The following SSH2 variants were observed in gnomAD, a reference collection of about 807,000 sequenced individuals.
SSH2 encodes slingshot protein phosphatase 2, also known as protein phosphatase Slingshot homolog 2.
In SSH2, 37 loss-of-function variants were observed where a neutral mutation model predicts 135.2. That is an observed-to-expected ratio of 0.27 (90% CI 0.21 to 0.36). SSH2 has a LOEUF of 0.36. Ranked by LOEUF, SSH2 falls within the 10% of genes least tolerant of loss-of-function variation. SSH2 has a pLI of 1.00. For synonymous variants in SSH2, 628 were observed against 646.2 expected (o/e 0.97, Z 0.43); for missense variants, 1,408 against 1,765.3 (o/e 0.80, Z 3.63).
At chr17:29,673,382 C>T (rs899236472) in intron 8 of SSH2, among the ~76,000 whole-genome samples, 1 of 151,978 alleles carries the variant, frequency 6.6e-6, no homozygotes, top group African/African-American at 2.4e-5. Context: ...TCAGCCTAAC[C>T]AACATGGTGA....
intron 5 of SSH2, among the ~76,000 whole-genome samples, chr17:29,694,829 A>G (rs2038656859): frequency 2.6e-5 from 4 of 152,118 alleles, no homozygotes; most frequent in Admixed American, 2.0e-4. Context: ...CTAAATCCAT[A>G]TTTGCCTGCC....
chr17:29,761,600 A>G (rs868001124), intron 3 of SSH2, among the ~76,000 whole-genome samples: 2 of 152,098 alleles, frequency 1.3e-5, no homozygotes, highest in Non-Finnish European at 2.9e-5. Context: ...GCCCCAAGAC[A>G]CTGCTGCCTC....
chr17:29,905,021 A>T (rs2066627501), intron 1 of SSH2, among the ~76,000 whole-genome samples: 1 of 152,210 alleles, frequency 6.6e-6, no homozygotes, highest in Admixed American at 6.5e-5. Flanking sequence ...ATGGAAAAGC[A>T]TTCCATGCTG....
intron 1 of SSH2, among the ~76,000 whole-genome samples, chr17:29,874,479 G>A (rs918901694): frequency 1.3e-5 from 2 of 152,104 alleles, no homozygotes; most frequent in Admixed American, 6.5e-5. Context: ...TGAATCATGG[G>A]GGCAGTTTCC....
chr17:29,717,314 T>A (rs888442104), intron 3 of SSH2, among the ~76,000 whole-genome samples: 2 of 152,156 alleles, frequency 1.3e-5, no homozygotes, highest in Non-Finnish European at 2.9e-5. Context: ...TTTTTAATAT[T>A]CTATAGAGAT....
chr17:29,678,994 G>A (rs967235841), intron 6 of SSH2, among the ~76,000 whole-genome samples: 3 of 152,082 alleles, frequency 2.0e-5, no homozygotes, highest in African/African-American at 7.2e-5. Flanking sequence ...GGGATTACAG[G>A]CATGAGCCAC....
chr17:29,741,353 A>G lies in SSH2; in HGVS notation c.189-38291T>C, dbSNP rs566402946. 2.0e-5 allele frequency among the ~76,000 whole-genome samples: 3 copies of G among 152,184 alleles called. No individual in the cohort carries two copies. The South Asian group carries it at 6.2e-4, about 32-fold the overall frequency. On this transcript the variant is annotated intron_variant, in intron 3 of 15. Coordinates refer to ENST00000540801, the MANE Select transcript of SSH2 (RefSeq NM_001282129.2). The stretch of plus-strand genomic sequence containing the variant: ...AGCAATCCCAGAATTGACCCTTAGG[A>G]TATGTCTTTTAGGGACATGGGCAAA...
At chr17:29,854,454 T>C (rs1599096022) in intron 1 of SSH2, among the ~76,000 whole-genome samples, 1 of 151,826 alleles carries the variant, frequency 6.6e-6, no homozygotes, top group Non-Finnish European at 1.5e-5. Flanking sequence ...TTAAGATTGT[T>C]GGTAAGAAAA....
intron 1 of SSH2, among the ~76,000 whole-genome samples, chr17:29,860,134 C>T (rs943379637): frequency 3.3e-5 from 5 of 151,914 alleles, no homozygotes; most frequent in Admixed American, 6.6e-5. Flanking sequence ...AGGCGTGAGT[C>T]AGCATGCCGG....
chr17:29,859,539 C>T (rs56788338), intron 1 of SSH2, among the ~76,000 whole-genome samples: 72,807 of 151,914 alleles, frequency 0.48, 18,282 homozygotes, highest in East Asian at 0.69. Flanking sequence ...TAAGAACATG[C>T]GGTATTTGGT....
At chr17:29,733,476 G>T (rs2040265298) in intron 3 of SSH2, among the ~76,000 whole-genome samples, 1 of 152,136 alleles carries the variant, frequency 6.6e-6, no homozygotes. Context: ...TCTTCTGCAG[G>T]AAAGTTAAAC....
intron 9 of SSH2, among the ~76,000 whole-genome samples, chr17:29,669,147 G>A (rs935341573): frequency 2.0e-5 from 3 of 152,068 alleles, no homozygotes; most frequent in Non-Finnish European, 2.9e-5. Flanking sequence ...TACTTGGGAG[G>A]CTGAGGCAGG....
intron 1 of SSH2, among the ~76,000 whole-genome samples, chr17:29,877,124 C>T (rs1439281823): frequency 1.3e-5 from 2 of 152,132 alleles, no homozygotes; most frequent in Non-Finnish European, 2.9e-5. Context: ...TGAAAAGGTA[C>T]TCAACGTCAC....
At chr17:29,924,813 T>C (rs2067036375) in intron 1 of SSH2, among the ~76,000 whole-genome samples, 2 of 152,198 alleles carry the variant, frequency 1.3e-5, no homozygotes, top group Admixed American at 6.5e-5. Context: ...TAAGAGTTAA[T>C]AGGCTTCAAA....
chr17:29,916,144 ATT>A (rs913618237), intron 1 of SSH2, among the ~76,000 whole-genome samples: 1 of 151,972 alleles, frequency 6.6e-6, no homozygotes, highest in Non-Finnish European at 1.5e-5. Flanking sequence ...TCCCCACCAA[ATT>A]TGTTATAATG....
chr17:29,651,347 CAGAA>C lies in SSH2; in HGVS notation c.1080-551_1080-548del, dbSNP rs1347697913. Among the ~76,000 whole-genome samples the C allele has an allele frequency of 2.0e-5, 3 of 152,310 alleles. No homozygotes were observed. The East Asian group carries it at 5.8e-4, about 29-fold the overall frequency. ...AAACTACATGAAAGGCAAATGAGGACAGAACTGGAAGGGTCAGAGAAAAGCCGGA... is the reference window on the plus strand; with the variant it reads ...AAACTACATGAAAGGCAAATGAGGACCTGGAAGGGTCAGAGAAAAGCCGGA... On this transcript the variant is annotated intron_variant, in intron 12 of 15. Transcript: ENST00000540801.
intron 3 of SSH2, chr17:29,716,343 G>T: frequency 2.2e-6 from 1 of 463,088 alleles, no homozygotes; most frequent in South Asian, 2.3e-5. Flanking sequence ...ACGTGCTTCA[G>T]GAAGCTGTCT....
At position 29,681,208 on chromosome 17, in the gene SSH2, G is replaced by A. The variant is rs187119330; in HGVS notation, c.479+3355C>T. On this transcript the variant is annotated intron_variant, in intron 6 of 15. Coordinates refer to ENST00000540801, the MANE Select transcript of SSH2 (RefSeq NM_001282129.2). Reference sequence around the variant, plus strand: ...AAATTAGCTGGGCATGGTGGTGTGCGCCTGTAGTCCCAGCTGCTTGGGAGG... The same window carrying A: ...AAATTAGCTGGGCATGGTGGTGTGCACCTGTAGTCCCAGCTGCTTGGGAGG... Among the ~76,000 whole-genome samples, 346 of 151,348 alleles carry A rather than the reference G, an allele frequency of 2.3e-3. 1 individual carries two copies. Among genetic ancestry groups the A allele is most frequent in the African/African-American group, 7.4e-3 (304 of 41,214 alleles).
At chr17:29,902,658 C>G (rs190180498) in intron 1 of SSH2, among the ~76,000 whole-genome samples, 130 of 152,120 alleles carry the variant, frequency 8.5e-4, no homozygotes, top group African/African-American at 3.1e-3. Flanking sequence ...GAGTAATTGG[C>G]TAAAAATATT....
Sources: gnomAD v4.1 joint callset for allele counts (sites outside exome capture counted in the v4.1 genomes callset) on GRCh38, gnomAD v4.1.1 for gene constraint, MANE v1.5 for transcripts, NCBI Gene and HGNC (gene_info 2026-07-23, HGNC 2026-07-21) for gene names.